The following ADGRL2 variants were observed in gnomAD, a reference collection of about 807,000 sequenced individuals.
ADGRL2 encodes adhesion G protein-coupled receptor L2, also known as calcium-independent alpha-latrotoxin receptor 2.
ADGRL2 carries 44 observed loss-of-function variants against 157.4 expected under a neutral mutation model. That is an observed-to-expected ratio of 0.28 (90% CI 0.22 to 0.36). The LOEUF is 0.36. Among genes scored for constraint, ADGRL2 ranks in the 10% least tolerant of loss-of-function variants. The pLI is 1.00. For missense variants in ADGRL2, 1,510 were observed against 1,768.9 expected (o/e 0.85, Z 2.63); for synonymous variants, 585 against 624.7 (o/e 0.94, Z 0.95).
chr1:81,532,902 C>T (rs926407657), intron 2 of ADGRL2, among the ~76,000 whole-genome samples: 1 of 151,852 alleles, frequency 6.6e-6, no homozygotes, highest in African/African-American at 2.4e-5. Context: ...GTAGTCTGGG[C>T]CACAGAGTGA....
chr1:81,938,944 G>A (rs2095348944), intron 4 of ADGRL2, among the ~76,000 whole-genome samples: 1 of 151,148 alleles, frequency 6.6e-6, no homozygotes, highest in African/African-American at 2.4e-5. Context: ...GTGTTTTTAT[G>A]TTTTGTAACA....
chr1:81,429,947 G>A (rs979661650), intron 1 of ADGRL2, among the ~76,000 whole-genome samples: 1 of 152,152 alleles, frequency 6.6e-6, no homozygotes, highest in African/African-American at 2.4e-5. Context: ...AGGCTGGAGG[G>A]CAATGGCGCG....
In ADGRL2 at chr1:81,904,494, C is replaced by T. The variant is rs187047037; in HGVS notation, c.74-2523C>T. Among the ~76,000 whole-genome samples the T allele has an allele frequency of 2.6e-3, 393 of 152,114 alleles. 1 individual carries two copies. The highest frequency in any genetic ancestry group is 8.9e-3 in the African/African-American group (369 of 41,506). On this transcript the variant is annotated intron_variant, in intron 2 of 23. Transcript: ENST00000686636. ...GCTTATGGTTCTGGGGTTCTGGGGT[C>T]GAAGGTGGGCAGCCACATCTGGTGA...
At chr1:81,489,835 A>G (rs1201327487) in intron 2 of ADGRL2, among the ~76,000 whole-genome samples, 3 of 152,232 alleles carry the variant, frequency 2.0e-5, no homozygotes, top group Non-Finnish European at 4.4e-5. Context: ...GCAAAAAGGC[A>G]TCAATCAAGA....
At chr1:81,327,356 G>A (rs1359341227) in intron 1 of ADGRL2, among the ~76,000 whole-genome samples, 5 of 152,118 alleles carry the variant, frequency 3.3e-5, no homozygotes, top group African/African-American at 1.2e-4. Context: ...CAGATCAAAT[G>A]TGATAATAAA....
intron 1 of ADGRL2, among the ~76,000 whole-genome samples, chr1:81,379,245 A>C (rs544716443): frequency 6.6e-6 from 1 of 152,090 alleles, no homozygotes; most frequent in South Asian, 2.1e-4. Context: ...CCGCTGCTCA[A>C]ACCTCTAGGG....
intron 3 of ADGRL2, among the ~76,000 whole-genome samples, chr1:81,916,209 C>T (rs932736401): frequency 4.6e-5 from 7 of 152,096 alleles, no homozygotes; most frequent in Non-Finnish European, 8.8e-5. Context: ...TAAACGACCA[C>T]GAGATCAGCT....
intron 2 of ADGRL2, among the ~76,000 whole-genome samples, chr1:81,555,371 C>A (rs913098315): frequency 6.7e-6 from 1 of 149,552 alleles, no homozygotes; most frequent in Non-Finnish European, 1.5e-5. Flanking sequence ...TGGGTTCAAG[C>A]GATTCTCCTG....
At chr1:81,721,644 G>A (rs1444236823) in intron 1 of ADGRL2, 4 of 835,792 alleles carry the variant, frequency 4.8e-6, no homozygotes, top group Admixed American at 2.1e-5. Context: ...CAGCGCCTGG[G>A]CCTGGAACCG....
intron 3 of ADGRL2, among the ~76,000 whole-genome samples, chr1:81,919,907 G>A (rs1430299525): frequency 6.6e-6 from 1 of 152,144 alleles, no homozygotes; most frequent in Non-Finnish European, 1.5e-5. Flanking sequence ...AACCCTTGAT[G>A]AGTAGACCTT....
At chr1:81,426,841 CT>C in intron 1 of ADGRL2, 1 of 555,514 alleles carries the variant, frequency 1.8e-6, no homozygotes, top group African/African-American at 1.9e-5. Context: ...GAAAAATTTC[CT>C]TGGTGGTATT....
chr1:81,387,056 T>C (rs1046827550), intron 1 of ADGRL2, among the ~76,000 whole-genome samples: 1 of 152,206 alleles, frequency 6.6e-6, no homozygotes, highest in Non-Finnish European at 1.5e-5. Flanking sequence ...CTGACTTTTA[T>C]GAGAGTTGGT....
At chr1:81,752,508 T>G (rs1453691641) in intron 1 of ADGRL2, among the ~76,000 whole-genome samples, 2 of 152,220 alleles carry the variant, frequency 1.3e-5, no homozygotes, top group African/African-American at 4.8e-5. Flanking sequence ...AGACATTTGG[T>G]ACTGATAGTT....
At chr1:81,474,840 T>A (rs1439867448) in intron 2 of ADGRL2, among the ~76,000 whole-genome samples, 1 of 152,180 alleles carries the variant, frequency 6.6e-6, no homozygotes, top group Non-Finnish European at 1.5e-5. Context: ...GTCATTTTGT[T>A]TGAGATTGAG....
rs1373309201 is a variant in ADGRL2, at chr1:81,784,001, T to G, written c.-101+22149T>G. On this transcript the variant is annotated intron_variant, in intron 2 of 20. Transcript: ENST00000359929. ...TATAAATTAGAAAAAAGCAGTTAATTTAAAGTTGAGCTTCCATAACATGCT... is the reference window on the plus strand; with the variant it reads ...TATAAATTAGAAAAAAGCAGTTAATGTAAAGTTGAGCTTCCATAACATGCT... 2.6e-5 allele frequency among the ~76,000 whole-genome samples: 4 copies of G among 152,254 alleles called. No individual in the cohort carries two copies. The East Asian group carries it at 7.7e-4, about 29-fold the overall frequency.
At position 81,985,345 on chromosome 1, in the gene ADGRL2, A is replaced by C. The variant is rs1303165649; in HGVS notation, c.3498A>C (p.Thr1166=). Residue 1166 remains threonine, a synonymous_variant, in exon 21 of 24, where the codon ACA becomes ACC. Coordinates refer to ENST00000686636, the MANE Select transcript of ADGRL2 (RefSeq NM_001366006.2). ...CAGGTGACATCAATAGCACTTCAAC[A>C]CTTAATCAAGGTCAGTTATCAGGAA... ...FISGDINSTS[T]LNQGMTGNYL... The C allele has an allele frequency of 1.3e-6, 2 of 1,592,116 alleles. No individual in the cohort carries two copies. The highest frequency in any genetic ancestry group is 1.7e-5 in the Admixed American group (1 of 58,850).
At chr1:81,500,210 T>A (rs1203767155) in intron 2 of ADGRL2, among the ~76,000 whole-genome samples, 2 of 152,184 alleles carry the variant, frequency 1.3e-5, no homozygotes, top group Non-Finnish European at 2.9e-5. Context: ...AGTGGGGATG[T>A]AAAATGGGAG....
chr1:81,639,540 CAAAAAAAAAAA>C (rs56281820), intron 3 of ADGRL2, among the ~76,000 whole-genome samples: 1 of 82,980 alleles, frequency 1.2e-5, no homozygotes, highest in African/African-American at 5.0e-5. Context: ...TCCATCTCTA[CAAAAAAAAAAA>C]AAAAAAAAAA....
chr1:81,353,938 T>C (rs1040244661), intron 1 of ADGRL2, among the ~76,000 whole-genome samples: 2 of 152,170 alleles, frequency 1.3e-5, no homozygotes, highest in Non-Finnish European at 2.9e-5. Context: ...CATGAATCTT[T>C]GAGAAGCGTA....
Sources: gnomAD v4.1 joint callset for allele counts (sites outside exome capture counted in the v4.1 genomes callset) on GRCh38, gnomAD v4.1.1 for gene constraint, MANE v1.5 for transcripts, NCBI Gene and HGNC (gene_info 2026-07-23, HGNC 2026-07-21) for gene names.